The following DNAH5 variants were observed in gnomAD, a reference collection of about 807,000 sequenced individuals.
DNAH5 encodes dynein axonemal heavy chain 5, also known as axonemal beta dynein heavy chain 5.
A neutral mutation model predicts 518.2 loss-of-function variants in DNAH5; 372 were observed. The observed-to-expected ratio is 0.72, with a 90% CI of 0.66 to 0.78. The LOEUF (loss-of-function observed/expected upper bound fraction) is 0.78, where lower values mean the gene tolerates loss of function less well. DNAH5 is among the 30% of genes least tolerant of loss of function. The pLI is 0.00. For missense variants in DNAH5, 5,523 were observed against 5,687.0 expected (o/e 0.97, Z 0.93); for synonymous variants, 2,039 against 2,025.9 (o/e 1.01, Z -0.17).
chr5:13,700,600 G>A lies in DNAH5; in HGVS notation c.13723+40C>T, dbSNP rs771284437. ...CCTGTGTTGATAATGTCATCCAAAC[G>A]AACAATGCGAGCCCTTACTGAAGGT... is the stretch of plus-strand genomic sequence containing the variant. On this transcript the variant is annotated intron_variant, in intron 78 of 78. Transcript: ENST00000265104. 12 of 1,555,816 alleles carry A rather than the reference G, an allele frequency of 7.7e-6. No homozygotes were observed. The South Asian group carries it at 7.8e-5, about 10-fold the overall frequency.
intron 30 of DNAH5, among the ~76,000 whole-genome samples, chr5:13,856,876 C>A (rs187765684): frequency 2.0e-4 from 31 of 152,174 alleles, no homozygotes; most frequent in African/African-American, 7.2e-4. Flanking sequence ...ATAATAAGAG[C>A]GATTTATGAC....
At chr5:13,917,833 C>G (rs1305918183) in intron 7 of DNAH5, among the ~76,000 whole-genome samples, 1 of 152,212 alleles carries the variant, frequency 6.6e-6, no homozygotes, top group Non-Finnish European at 1.5e-5. Flanking sequence ...GCAAGGCTCA[C>G]CTCTGCTATT....
intron 30 of DNAH5, among the ~76,000 whole-genome samples, chr5:13,854,795 G>T (rs1995388): frequency 0.38 from 57,190 of 151,804 alleles, 10,987 homozygotes; most frequent in South Asian, 0.47. Context: ...ATGGTAAAGG[G>T]ATCAACGCAA....
At chr5:13,749,374 C>A (rs538016544) in intron 65 of DNAH5, among the ~76,000 whole-genome samples, 5 of 152,258 alleles carry the variant, frequency 3.3e-5, no homozygotes, top group African/African-American at 4.8e-5. Context: ...CTCAATTTTC[C>A]TAAGAAGTAA....
intron 1 of DNAH5, among the ~76,000 whole-genome samples, chr5:13,935,963 C>T (rs1478078313): frequency 6.6e-6 from 1 of 152,148 alleles, no homozygotes; most frequent in Non-Finnish European, 1.5e-5. Context: ...GGAACATGGC[C>T]AGAAATCTAT....
chr5:13,948,244 T>G (rs1038210871), upstream of DNAH5, among the ~76,000 whole-genome samples: 3 of 152,236 alleles, frequency 2.0e-5, no homozygotes, highest in Non-Finnish European at 4.4e-5. Context: ...AGACCCTACA[T>G]GTGAAGAAGT....
At chr5:13,931,649 C>G (rs1003087578) in intron 1 of DNAH5, among the ~76,000 whole-genome samples, 2 of 152,170 alleles carry the variant, frequency 1.3e-5, no homozygotes, top group Non-Finnish European at 2.9e-5. Flanking sequence ...TATCTCCTAT[C>G]TTTATTGTTT....
intron 46 of DNAH5, 108 bp from the exon 47 acceptor site, chr5:13,807,833 A>G: frequency 1.1e-6 from 1 of 938,656 alleles, no homozygotes; most frequent in Non-Finnish European, 1.6e-6. Flanking sequence ...TAGTACCTTA[A>G]AATGTGATTC....
intron 35 of DNAH5, among the ~76,000 whole-genome samples, chr5:13,834,307 T>TGC (rs1488482339): frequency 2.0e-4 from 30 of 152,160 alleles, no homozygotes; most frequent in Non-Finnish European, 2.6e-4. Context: ...CTATGATACC[T>TGC]ATATGTGAAA....
chr5:13,881,225 C>T (rs1771637658), intron 21 of DNAH5, among the ~76,000 whole-genome samples: 1 of 151,916 alleles, frequency 6.6e-6, no homozygotes, highest in Non-Finnish European at 1.5e-5. Flanking sequence ...ACCCTACTTT[C>T]ATCACTGAAC....
At chr5:13,717,239 A>G in intron 73 of DNAH5, 76 bp downstream of exon 73, 3 of 1,357,212 alleles carry the variant, frequency 2.2e-6, no homozygotes, top group Non-Finnish European at 3.1e-6. Flanking sequence ...ATTTACGCCA[A>G]AGCTAGGAGG....
intron 77 of DNAH5, 41 bp downstream of exon 77, chr5:13,701,243 A>G: frequency 6.2e-7 from 1 of 1,613,672 alleles, no homozygotes; most frequent in Non-Finnish European, 8.5e-7. Flanking sequence ...CCTGTGGAGG[A>G]AAATTATAAT....
chr5:13,744,022 G>A (rs1748989400), intron 65 of DNAH5, among the ~76,000 whole-genome samples: 1 of 151,996 alleles, frequency 6.6e-6, no homozygotes, highest in African/African-American at 2.4e-5. Context: ...TCGAAGGCAT[G>A]TCTGCATCCC....
chr5:13,876,549 A>T, intron 22 of DNAH5, 135 bp downstream of exon 22: 1 of 980,358 alleles, frequency 1.0e-6, no homozygotes, highest in South Asian at 1.8e-5. Context: ...ACATTTGCTG[A>T]GCACATACAA....
At chr5:13,743,403 G>A (rs993417590) in intron 65 of DNAH5, among the ~76,000 whole-genome samples, 1 of 151,978 alleles carries the variant, frequency 6.6e-6, no homozygotes, top group African/African-American at 2.4e-5. Context: ...AATGCTTCAG[G>A]ACACTGGTCT....
intron 60 of DNAH5, among the ~76,000 whole-genome samples, 162 bp downstream of exon 60, chr5:13,762,556 GAAGA>G: frequency 6.6e-6 from 1 of 152,116 alleles, no homozygotes; most frequent in African/African-American, 2.4e-5. Flanking sequence ...GGATTACAAA[GAAGA>G]AAGAAACATC....
chr5:13,726,467 A>G (rs1014368318), intron 70 of DNAH5, among the ~76,000 whole-genome samples: 2 of 152,256 alleles, frequency 1.3e-5, no homozygotes, highest in East Asian at 3.8e-4. Context: ...AGAGTTACTT[A>G]AATTTCAGCA....
At position 13,944,488 on chromosome 5, in the gene DNAH5, T is replaced by C; in HGVS notation, c.-50A>G. On this transcript the variant is annotated 5_prime_UTR_variant, in exon 1 of 79. It removes the in-frame stop codon of an upstream open reading frame in the 5' UTR. Transcript: ENST00000265104. Reference sequence around the variant, plus strand: ...AGTCAGCTCTTCCGGAATGGTCTTCTAACTCCTGGCAGACCTGCTCAACAT... The same window carrying C: ...AGTCAGCTCTTCCGGAATGGTCTTCCAACTCCTGGCAGACCTGCTCAACAT... 1 of 1,546,206 alleles carries C rather than the reference T, an allele frequency of 6.5e-7. No homozygotes were observed. The highest frequency in any genetic ancestry group is 2.2e-5 in the East Asian group (1 of 44,524).
At chr5:13,696,772 A>G (rs939752025) in intron 78 of DNAH5, among the ~76,000 whole-genome samples, 7 of 152,206 alleles carry the variant, frequency 4.6e-5, no homozygotes, top group African/African-American at 1.7e-4. Context: ...CAACAAAGCT[A>G]TTTGGCAAAC....
Sources: allele counts gnomAD v4.1 joint callset (sites outside exome capture counted in the v4.1 genomes callset), GRCh38; gene constraint gnomAD v4.1.1; transcripts MANE v1.5; gene names NCBI Gene and HGNC (gene_info 2026-07-23, HGNC 2026-07-21).